The following SEC63 variants were observed in gnomAD, a reference collection of about 807,000 sequenced individuals.
SEC63 encodes translocation protein SEC63 homolog.
In SEC63, 56 loss-of-function variants were observed where a neutral mutation model predicts 116.2. That is an observed-to-expected ratio of 0.48 (90% CI 0.39 to 0.60). The LOEUF (loss-of-function observed/expected upper bound fraction) is 0.60, where lower values mean the gene tolerates loss of function less well. Ranked by LOEUF, SEC63 falls within the 20% of genes least tolerant of loss-of-function variation. SEC63 has a pLI of 0.00. For synonymous variants in SEC63, 273 were observed against 294.6 expected (o/e 0.93, Z 0.75); for missense variants, 668 against 900.0 (o/e 0.74, Z 3.30).
chr6:107,884,152 C>A (rs1217893655), intron 16 of SEC63, among the ~76,000 whole-genome samples: 1 of 151,238 alleles, frequency 6.6e-6, no homozygotes, highest in Non-Finnish European at 1.5e-5. Context: ...TGCCTGTAAT[C>A]TCAGCTACTC....
rs1786891682 is a variant in SEC63 at position 107,897,678 on chromosome 6, A to G, written c.1411T>C (p.Leu471=). 2.5e-6 allele frequency: 4 copies of G among 1,609,482 alleles called. No homozygotes were observed. The highest frequency in any genetic ancestry group is 1.7e-5 in the Admixed American group (1 of 59,986). ...ATTGTTTGCCTTGTCAACTTAACCA[A>G]CACTGTAACTAAGGATCCTACTGTG... is the stretch of plus-strand genomic sequence containing the variant. ...NITVGSLVTV[L]VKLTRQTMAE... is the part of the protein sequence containing the mutation. Residue 471 remains leucine (L), a synonymous_variant, in exon 14 of 21, where the codon TTG becomes CTG. Transcript: ENST00000369002.
In SEC63 at chr6:107,871,782, C is replaced by G. The variant is rs761321161; in HGVS notation, c.2205G>C (p.Gly735=). Residue 735 remains glycine (G), a synonymous_variant, in exon 21 of 21, where the codon GGG becomes GGC. Coordinates refer to ENST00000369002, the MANE Select transcript of SEC63 (RefSeq NM_007214.5). ...CCTCACTGTCCTCCTGGTCTTCATC[C>G]CCCTCTATTGCTGTATCCCACTGTG... The part of the protein sequence containing the change: ...NHPQWDTAIE[G]DEDQEDSEGF... The G allele has an allele frequency of 5.9e-5, 96 of 1,613,578 alleles. No homozygotes were observed. Among genetic ancestry groups the G allele is most frequent in the Middle Eastern group, 4.9e-4 (3 of 6,066 alleles).
At chr6:107,953,174 C>T (rs1770614952) in intron 1 of SEC63, among the ~76,000 whole-genome samples, 1 of 152,088 alleles carries the variant, frequency 6.6e-6, no homozygotes, top group African/African-American at 2.4e-5. Flanking sequence ...GCACGAGAAT[C>T]GTTTGAACAC....
At chr6:107,947,057 G>A (rs1481800368) in intron 1 of SEC63, among the ~76,000 whole-genome samples, 1 of 151,924 alleles carries the variant, frequency 6.6e-6, no homozygotes, top group Non-Finnish European at 1.5e-5. Context: ...ATATCCCTTT[G>A]AATACAAAGC....
At chr6:107,896,860 T>C (rs1293357669) in intron 14 of SEC63, among the ~76,000 whole-genome samples, 2 of 151,736 alleles carry the variant, frequency 1.3e-5, no homozygotes, top group Non-Finnish European at 2.9e-5. Context: ...GTGCCTGTAA[T>C]CCCAGCTACT....
At chr6:107,944,126 G>C (rs143402559) in intron 1 of SEC63, among the ~76,000 whole-genome samples, 1 of 152,276 alleles carries the variant, frequency 6.6e-6, no homozygotes, top group East Asian at 1.9e-4. Flanking sequence ...GTATGAGAAA[G>C]AGATGAATCA....
At chr6:107,923,821 A>G (rs1787610774) in intron 3 of SEC63, among the ~76,000 whole-genome samples, 1 of 151,856 alleles carries the variant, frequency 6.6e-6, no homozygotes, top group South Asian at 2.1e-4. Flanking sequence ...TTCCTGGCTG[A>G]TATTAGTTCT....
intron 7 of SEC63, among the ~76,000 whole-genome samples, chr6:107,909,649 C>T (rs1489058802): frequency 6.6e-6 from 1 of 152,062 alleles, no homozygotes; most frequent in African/African-American, 2.4e-5. Flanking sequence ...ATAAAACTAC[C>T]CACTGCTATA....
intron 3 of SEC63, among the ~76,000 whole-genome samples, chr6:107,922,803 A>G (rs1415040184): frequency 6.6e-6 from 1 of 151,056 alleles, no homozygotes; most frequent in Admixed American, 6.6e-5. Context: ...AAAACAGAAA[A>G]CTAGATGATA....
intron 18 of SEC63, 111 bp downstream of exon 18, chr6:107,881,038 C>T (rs1786402848): frequency 3.8e-6 from 3 of 790,922 alleles, no homozygotes; most frequent in Non-Finnish European, 6.8e-6. Context: ...GGATAGACCA[C>T]ATTTAGCACA....
At chr6:107,910,485 A>T (rs1236640755) in intron 7 of SEC63, among the ~76,000 whole-genome samples, 8 of 152,148 alleles carry the variant, frequency 5.3e-5, no homozygotes, top group African/African-American at 1.9e-4. Context: ...AAATAAAATT[A>T]AAATGGACAG....
At position 107,876,801 on chromosome 6, in the gene SEC63, T is replaced by C. The variant is rs1172536760; in HGVS notation, c.1936-139A>G. ...GCTTGGTACAAAATAGGTATTCAAA[T>C]GAATATTTACTGAAAGAATAAGCTG... On this transcript the variant is annotated intron_variant, in intron 18 of 20. Transcript: ENST00000369002. 1.6e-5 allele frequency: 10 copies of C among 634,810 alleles called. No individual in the cohort carries two copies. The East Asian group carries it at 2.7e-4, about 17-fold the overall frequency. 39.3% of individuals were successfully genotyped at this position (634,810 alleles called of 1,614,324 possible).
chr6:107,934,132 CCCG>C (rs1217928769), intron 1 of SEC63, among the ~76,000 whole-genome samples: 1 of 152,204 alleles, frequency 6.6e-6, no homozygotes, highest in African/African-American at 2.4e-5. Context: ...CAGCCTCTGC[CCCG>C]CCGCCACCCC....
At chr6:107,921,105 G>A (rs1460651832) in intron 4 of SEC63, among the ~76,000 whole-genome samples, 2 of 151,800 alleles carry the variant, frequency 1.3e-5, no homozygotes, top group Non-Finnish European at 2.9e-5. Context: ...CACCAAAAAT[G>A]AAGTACTTAA....
chr6:107,926,571 A>T (rs1482206236), intron 2 of SEC63, among the ~76,000 whole-genome samples: 1 of 152,204 alleles, frequency 6.6e-6, no homozygotes, highest in African/African-American at 2.4e-5. Context: ...ACACTTTTTA[A>T]ACCCAAAATT....
intron 2 of SEC63, among the ~76,000 whole-genome samples, chr6:107,928,320 A>G (rs1787721372): frequency 6.6e-6 from 1 of 151,474 alleles, no homozygotes; most frequent in Admixed American, 6.6e-5. Context: ...CCATCCCTAT[A>G]AAAAATACAA....
intron 16 of SEC63, among the ~76,000 whole-genome samples, chr6:107,885,892 G>A (rs974083386): frequency 9.9e-5 from 15 of 151,932 alleles, no homozygotes; most frequent in Non-Finnish European, 1.9e-4. Context: ...AAGTTCTGGG[G>A]TACATGTGCA....
At chr6:107,880,057 C>G (rs942376395) in intron 18 of SEC63, among the ~76,000 whole-genome samples, 2 of 152,206 alleles carry the variant, frequency 1.3e-5, no homozygotes, top group Non-Finnish European at 2.9e-5. Context: ...TTTCAGGATG[C>G]TTGGTGTTGG....
chr6:107,877,863 C>T (rs767508033), intron 18 of SEC63, among the ~76,000 whole-genome samples: 32 of 152,154 alleles, frequency 2.1e-4, no homozygotes, highest in Middle Eastern at 3.2e-3. Flanking sequence ...TAAATACCTT[C>T]GGAGATAAAG....
Sources: allele counts gnomAD v4.1 joint callset (sites outside exome capture counted in the v4.1 genomes callset), GRCh38; gene constraint gnomAD v4.1.1; transcripts MANE v1.5; gene names NCBI Gene and HGNC (gene_info 2026-07-23, HGNC 2026-07-21).